TOX3: variants seen among roughly 807,000 people sequenced by gnomAD.
TOX3 encodes CAG trinucleotide repeat-containing gene F9 protein.
Under a neutral mutation model 64.3 loss-of-function variants are expected in TOX3, and 22 were observed. The ratio of observed to expected loss-of-function variants is 0.34; its 90% confidence interval spans 0.24 to 0.49. The LOEUF is 0.49. Among genes scored for constraint, TOX3 ranks in the 20% least tolerant of loss-of-function variants. The probability of loss-of-function intolerance (pLI) is 0.99; values close to 1 mark genes in which losing one functional copy is unlikely to be tolerated. For missense variants in TOX3, 661 were observed against 714.4 expected (o/e 0.93, Z 0.85); for synonymous variants, 291 against 273.6 (o/e 1.06, Z -0.63).
chr16:52,467,603 A>G (rs915930963), intron 2 of TOX3, among the ~76,000 whole-genome samples: 1 of 152,174 alleles, frequency 6.6e-6, no homozygotes, highest in Non-Finnish European at 1.5e-5. Context: ...TTTATATTAC[A>G]TGAACCACAA....
chr16:52,447,579 T>G (rs1367717480), intron 4 of TOX3, among the ~76,000 whole-genome samples: 1 of 152,152 alleles, frequency 6.6e-6, no homozygotes, highest in Non-Finnish European at 1.5e-5. Flanking sequence ...TCTGAGTAGT[T>G]TACAAGCTTC....
intron 2 of TOX3, among the ~76,000 whole-genome samples, chr16:52,465,438 G>A (rs762070274): frequency 2.7e-5 from 4 of 149,846 alleles, no homozygotes; most frequent in Non-Finnish European, 5.9e-5. Flanking sequence ...TGGGGGAGTG[G>A]CAAGGTCTAG....
chr16:52,439,997 T>G (rs771820947), intron 6 of TOX3, 29 bp from the exon 7 acceptor site: 3 of 1,489,534 alleles, frequency 2.0e-6, no homozygotes, highest in Non-Finnish European at 2.7e-6. Flanking sequence ...AATTCCAGAC[T>G]GTTACAACAC....
chr16:52,520,325 A>G (rs1962574721), intron 1 of TOX3, among the ~76,000 whole-genome samples: 1 of 152,226 alleles, frequency 6.6e-6, no homozygotes, highest in South Asian at 2.1e-4. Flanking sequence ...GGCCAAGACT[A>G]GCACCTTATC....
chr16:52,521,090 G>A (rs1075367), intron 1 of TOX3, among the ~76,000 whole-genome samples: 72,797 of 151,850 alleles, frequency 0.48, 17,617 homozygotes, highest in Middle Eastern at 0.59. Context: ...GATCTCCTCC[G>A]TCTCTCCCTC....
intron 1 of TOX3, among the ~76,000 whole-genome samples, chr16:52,536,842 T>C (rs959419052): frequency 6.6e-6 from 1 of 150,926 alleles, no homozygotes; most frequent in African/African-American, 2.4e-5. Context: ...GTGGTGTGTG[T>C]GTCTGTGTGT....
intron 1 of TOX3, among the ~76,000 whole-genome samples, chr16:52,499,239 C>A (rs1259562814): frequency 6.6e-6 from 1 of 152,150 alleles, no homozygotes; most frequent in Non-Finnish European, 1.5e-5. Flanking sequence ...TGCTCCACAC[C>A]AGAGCCTTAG....
At chr16:52,519,136 G>A (rs1442334114) in intron 1 of TOX3, among the ~76,000 whole-genome samples, 1 of 152,168 alleles carries the variant, frequency 6.6e-6, no homozygotes, top group Non-Finnish European at 1.5e-5. Context: ...CTGTTCTAGC[G>A]CTAAATGCAC....
At chr16:52,440,748 C>CTTTTTTTTTTTTTTTTTTTTTTT (rs1425662404) in intron 6 of TOX3, among the ~76,000 whole-genome samples, 2 of 89,456 alleles carry the variant, frequency 2.2e-5, no homozygotes, top group African/African-American at 3.8e-5. Context: ...ATTTTTCTTT[C>CTTTTTTTTTTTTTTTTTTTTTTT]TTTCTTTTTT....
chr16:52,482,975 G>C (rs191795307), intron 1 of TOX3, among the ~76,000 whole-genome samples: 42 of 152,108 alleles, frequency 2.8e-4, no homozygotes, highest in African/African-American at 7.5e-4. Flanking sequence ...AACTGCAGCT[G>C]CCTTCATATC....
At chr16:52,484,492 T>C (rs1181010546) in intron 1 of TOX3, among the ~76,000 whole-genome samples, 1 of 152,154 alleles carries the variant, frequency 6.6e-6, no homozygotes, top group Admixed American at 6.5e-5. Flanking sequence ...TTAATCTCCA[T>C]CGGCATGAAG....
chr16:52,465,813 T>C (rs181434218), intron 2 of TOX3, among the ~76,000 whole-genome samples: 153 of 152,288 alleles, frequency 1.0e-3, no homozygotes, highest in African/African-American at 3.6e-3. Context: ...GCTATGGCAG[T>C]CTATGGTGGG....
intron 1 of TOX3, among the ~76,000 whole-genome samples, chr16:52,488,070 C>A (rs1168516835): frequency 1.3e-5 from 2 of 152,176 alleles, no homozygotes; most frequent in Non-Finnish European, 2.9e-5. Flanking sequence ...GTAACTAACT[C>A]ACTGTGCTTT....
At chr16:52,544,676 AT>A (rs1319645584) in intron 1 of TOX3, among the ~76,000 whole-genome samples, 1 of 152,178 alleles carries the variant, frequency 6.6e-6, no homozygotes, top group African/African-American at 2.4e-5. Context: ...TCAATAAATA[AT>A]GTCTGTTTTC....
At chr16:52,540,218 A>C (rs1963046672) in intron 1 of TOX3, among the ~76,000 whole-genome samples, 1 of 151,814 alleles carries the variant, frequency 6.6e-6, no homozygotes, top group Non-Finnish European at 1.5e-5. Flanking sequence ...TATCTCTGCA[A>C]AAAATAAAAT....
At chr16:52,488,539 A>G (rs1454367908) in intron 1 of TOX3, among the ~76,000 whole-genome samples, 1 of 152,146 alleles carries the variant, frequency 6.6e-6, no homozygotes, top group Admixed American at 6.5e-5. Context: ...TTTGGATGCA[A>G]TTTTTTCTTC....
chr16:52,540,474 C>A (rs1963054601), intron 1 of TOX3, among the ~76,000 whole-genome samples: 1 of 152,140 alleles, frequency 6.6e-6, no homozygotes, highest in Admixed American at 6.5e-5. Flanking sequence ...CAACAGCCTT[C>A]TTCCTTGCTA....
At position 52,546,885 on chromosome 16, in the gene TOX3, C is replaced by A. The variant is rs1211781571; in HGVS notation, c.-162G>T. The A allele has an allele frequency of 4.3e-6, 5 of 1,158,772 alleles. No individual in the cohort carries two copies. The highest frequency in any genetic ancestry group is 3.2e-5 in the African/African-American group (2 of 61,556). The allele number at this position is 1,158,772 out of a possible 1,614,324, so 71.8% of individuals were successfully genotyped here. On this transcript the variant is annotated 5_prime_UTR_variant, in exon 1 of 7. Coordinates refer to ENST00000219746, the MANE Select transcript of TOX3 (RefSeq NM_001080430.4). ...ACCCAGAGCCCGAGGAGCTCGGGAG[C>A]CGCGGCCGCCGCACACAAAGGCGCG... is the stretch of plus-strand genomic sequence containing the variant.
intron 5 of TOX3, chr16:52,445,099 G>A (rs1285191658): frequency 6.6e-6 from 1 of 152,114 alleles, no homozygotes; most frequent in Non-Finnish European, 1.5e-5. Flanking sequence ...ATATTTCTGG[G>A]ACAGAAAATC....
Sources: gnomAD v4.1 joint callset for allele counts (sites outside exome capture counted in the v4.1 genomes callset) on GRCh38, gnomAD v4.1.1 for gene constraint, MANE v1.5 for transcripts, NCBI Gene and HGNC (gene_info 2026-07-23, HGNC 2026-07-21) for gene names.